The following MAP3K1 variants were observed in gnomAD, a reference collection of about 807,000 sequenced individuals.
MAP3K1 encodes mitogen-activated protein kinase kinase kinase 1.
In MAP3K1, 36 loss-of-function variants were observed where a neutral mutation model predicts 144.2. That is an observed-to-expected ratio of 0.25 (90% CI 0.19 to 0.33). The LOEUF (loss-of-function observed/expected upper bound fraction) is 0.33. Ranked by LOEUF, MAP3K1 falls within the 10% of genes least tolerant of loss-of-function variation. MAP3K1 has a pLI of 1.00. For missense variants in MAP3K1, 1,650 were observed against 1,881.9 expected (o/e 0.88, Z 2.28); for synonymous variants, 718 against 688.7 (o/e 1.04, Z -0.67).
At chr5:56,882,960 C>G in intron 14 of MAP3K1, 94 bp downstream of exon 14, 1 of 975,586 alleles carries the variant, frequency 1.0e-6, no homozygotes. Context: ...AGGCTGAGGC[C>G]GAAGGATTGC....
At chr5:56,830,200 A>C (rs543168684) in intron 1 of MAP3K1, among the ~76,000 whole-genome samples, 2 of 152,288 alleles carry the variant, frequency 1.3e-5, no homozygotes, top group Admixed American at 6.5e-5. Flanking sequence ...ATGCCCCAGA[A>C]TACCGATAGA....
intron 1 of MAP3K1, among the ~76,000 whole-genome samples, chr5:56,847,674 A>C (rs1343171412): frequency 6.6e-6 from 1 of 152,370 alleles, no homozygotes; most frequent in East Asian, 1.9e-4. Context: ...ATTTGTGGTC[A>C]AGAAAGATGC....
intron 1 of MAP3K1, among the ~76,000 whole-genome samples, chr5:56,847,458 G>A (rs985735080): frequency 6.6e-6 from 1 of 152,266 alleles, no homozygotes; most frequent in South Asian, 2.1e-4. Context: ...TTAGCTGGGC[G>A]TTGTGTTGGG....
chr5:56,872,018 C>T lies in MAP3K1; in HGVS notation c.1410C>T (p.His470=), dbSNP rs1412550898. The T allele has an allele frequency of 3.1e-6, 5 of 1,613,920 alleles. No individual in the cohort carries two copies. Among genetic ancestry groups the T allele is most frequent in the East Asian group, 2.2e-5 (1 of 44,882 alleles). Residue 470 remains histidine, a synonymous_variant, in exon 7 of 20, where the codon CAC becomes CAT. Transcript: ENST00000399503. ...GCTGCAGGAACAAGCTGCACCACCA[C>T]TGCATGTCAATTTGTATGTGGCTCT... ...EDGCRNKLHH[H]CMSIWAEECR...
At chr5:56,835,268 A>G (rs1000114612) in intron 1 of MAP3K1, among the ~76,000 whole-genome samples, 1 of 152,094 alleles carries the variant, frequency 6.6e-6, no homozygotes, top group Non-Finnish European at 1.5e-5. Flanking sequence ...GGAGCCTGAG[A>G]CCACTGCAGG....
chr5:56,887,180 T>C (rs1748402137), intron 17 of MAP3K1, among the ~76,000 whole-genome samples, 198 bp from the exon 18 acceptor site: 1 of 152,258 alleles, frequency 6.6e-6, no homozygotes, highest in South Asian at 2.1e-4. Context: ...TAATTATGAA[T>C]TTAGCGTACG....
In MAP3K1 at chr5:56,872,624, T is replaced by G. The variant is rs759833238; in HGVS notation, c.1424-17T>G. ...ACATTTACATTTTTGTAAGATTTTG[T>G]TTCTGTAATTTTTCAGGGGCAGAAG... On this transcript the variant is annotated splice_polypyrimidine_tract_variant and intron_variant, in intron 7 of 19. Transcript: ENST00000399503. 1 of 1,443,458 alleles carries G rather than the reference T, an allele frequency of 6.9e-7. No homozygotes were observed. Among genetic ancestry groups the G allele is most frequent in the South Asian group, 1.2e-5 (1 of 86,280 alleles). The allele number at this position is 1,443,458 out of a possible 1,614,324, so 89.4% of individuals were successfully genotyped here.
intron 1 of MAP3K1, among the ~76,000 whole-genome samples, chr5:56,854,432 C>CAAA (rs10647091): frequency 0.049 from 4,145 of 84,828 alleles, 243 homozygotes; most frequent in African/African-American, 0.099. Context: ...AACTCCATCT[C>CAAA]AAAAAAAAAA....
rs1561200909 is a variant in MAP3K1 at position 56,882,845 on chromosome 5, T to C, written c.3645T>C (p.Asp1215=). Residue 1215 remains aspartate (D), a synonymous_variant, in exon 14 of 20, where the codon GAT becomes GAC. Coordinates refer to ENST00000399503, the MANE Select transcript of MAP3K1 (RefSeq NM_005921.2). Reference sequence around the variant, plus strand: ...AGCTGCAGGTTGAAAATGGAGAAGATATCATCATTATTCAACAGGATGTAA... The same window carrying C: ...AGCTGCAGGTTGAAAATGGAGAAGACATCATCATTATTCAACAGGATGTAA... ...VPQLQVENGE[D]IIIIQQDTPE... 1.9e-6 allele frequency: 3 copies of C among 1,610,416 alleles called. No homozygotes were observed. In the Admixed American group the frequency reaches 5.0e-5, roughly 27 times the overall value.
intron 9 of MAP3K1, among the ~76,000 whole-genome samples, chr5:56,873,900 A>G (rs1400000428): frequency 1.3e-5 from 2 of 152,182 alleles, no homozygotes; most frequent in African/African-American, 4.8e-5. Context: ...CATTAATGAA[A>G]TTTAATGAAC....
rs1748694815 is a variant in MAP3K1, at chr5:56,896,092, A to G, written c.*2412A>G. The G allele has an allele frequency of 8.9e-6, 2 of 225,908 alleles. No individual in the cohort carries two copies. Among genetic ancestry groups the G allele is most frequent in the South Asian group, 3.7e-4 (2 of 5,472 alleles). The allele number at this position is 225,908 out of a possible 1,614,324, so 14.0% of individuals were successfully genotyped here. A position where few individuals can be genotyped will look rare whatever the true frequency, so the allele number is the denominator to read the frequency against. On this transcript the variant is annotated 3_prime_UTR_variant, in exon 20 of 20. Coordinates refer to ENST00000399503, the MANE Select transcript of MAP3K1 (RefSeq NM_005921.2). ...ATTTTTACCCCATTGAACCGATTTT[A>G]TAGTATTTGTACCTATTTTGGTGTT... is the stretch of plus-strand genomic sequence containing the variant.
rs1291572497 is a variant in MAP3K1, at chr5:56,893,485, G to A, written c.4390-46G>A. 2.5e-6 allele frequency: 4 copies of A among 1,591,380 alleles called. No individual in the cohort carries two copies. In the African/African-American group the frequency reaches 5.4e-5, roughly 21 times the overall value. On this transcript the variant is annotated intron_variant, in intron 19 of 19. Transcript: ENST00000399503. ...TCTATGCACATGTGTTTCTGTATCA[G>A]AAGTTACAGTTGTGCAAAGCTTCAA... is the stretch of plus-strand genomic sequence containing the variant.
intron 3 of MAP3K1, among the ~76,000 whole-genome samples, chr5:56,862,643 A>T (rs1747549854): frequency 1.3e-5 from 2 of 152,344 alleles, no homozygotes; most frequent in Non-Finnish European, 2.9e-5. Context: ...GTTACTGAAA[A>T]CAGTGCTTCA....
intron 1 of MAP3K1, among the ~76,000 whole-genome samples, chr5:56,831,616 CTTTTAGAACATTAAACAT>C: frequency 6.6e-6 from 1 of 152,226 alleles, no homozygotes; most frequent in South Asian, 2.1e-4. Flanking sequence ...TTTCCTTTTT[CTTTTAGAACATTAAACAT>C]TAATCCTTTT....
chr5:56,834,514 C>T (rs1459484716), intron 1 of MAP3K1, among the ~76,000 whole-genome samples: 5 of 152,130 alleles, frequency 3.3e-5, no homozygotes, highest in African/African-American at 1.2e-4. Flanking sequence ...GAGTTCGAGA[C>T]CAGCCTGGCC....
At chr5:56,832,763 GT>G (rs1746534236) in intron 1 of MAP3K1, among the ~76,000 whole-genome samples, 1 of 152,112 alleles carries the variant, frequency 6.6e-6, no homozygotes, top group South Asian at 2.1e-4. Flanking sequence ...TCTTCACATA[GT>G]GTATTATGAA....
chr5:56,854,186 C>T (rs1288062785), intron 1 of MAP3K1, among the ~76,000 whole-genome samples: 1 of 152,020 alleles, frequency 6.6e-6, no homozygotes, highest in Admixed American at 6.5e-5. Context: ...GTAATCCCAG[C>T]ACTTTGGGAG....
At chr5:56,893,471 G>A (rs1748609212) in intron 19 of MAP3K1, 60 bp from the exon 20 acceptor site, 3 of 1,552,790 alleles carry the variant, frequency 1.9e-6, no homozygotes, top group Middle Eastern at 1.7e-4. Flanking sequence ...CTATGCACAT[G>A]TGTTTCTGTA....
chr5:56,865,780 G>A (rs780173928), intron 5 of MAP3K1, 49 bp from the exon 6 acceptor site: 59 of 1,586,260 alleles, frequency 3.7e-5, no homozygotes, highest in Non-Finnish European at 4.9e-5. Flanking sequence ...CTCTTCATAT[G>A]TATAATTATG....
Sources: gnomAD v4.1 joint callset for allele counts (sites outside exome capture counted in the v4.1 genomes callset) on GRCh38, gnomAD v4.1.1 for gene constraint, MANE v1.5 for transcripts, NCBI Gene and HGNC (gene_info 2026-07-23, HGNC 2026-07-21) for gene names.